TNFRSF10D: variants seen among roughly 807,000 people sequenced by gnomAD.
TNFRSF10D encodes tumor necrosis factor receptor superfamily member 10D.
Under a neutral mutation model 42.1 loss-of-function variants are expected in TNFRSF10D, and 28 were observed. That is an observed-to-expected ratio of 0.66 (90% CI 0.49 to 0.91). The LOEUF (loss-of-function observed/expected upper bound fraction) is 0.91. Among genes scored for constraint, TNFRSF10D ranks in the 40% least tolerant of loss-of-function variants. The probability of loss-of-function intolerance (pLI) is 0.00; values close to 1 mark genes in which losing one functional copy is unlikely to be tolerated. For missense variants in TNFRSF10D, 503 were observed against 486.1 expected, an observed-to-expected ratio of 1.03 and a Z score of -0.33; for synonymous variants, 186 against 189.4, an observed-to-expected ratio of 0.98 and a Z score of 0.15.
At position 23,135,988 on chromosome 8, in the gene TNFRSF10D, T is replaced by C. The variant is rs936684595; in HGVS notation, c.*1882A>G. 9.0e-6 allele frequency: 4 copies of C among 442,408 alleles called. No homozygotes were observed. The highest frequency in any genetic ancestry group is 2.4e-5 in the Admixed American group (1 of 41,514). The allele number at this position is 442,408 out of a possible 1,614,324, so 27.4% of individuals were successfully genotyped here. A position where few individuals can be genotyped will look rare whatever the true frequency, so the allele number is the denominator to read the frequency against. On this transcript the variant is annotated 3_prime_UTR_variant, in exon 9 of 9. Transcript: ENST00000312584. ...AGATGGAAGTGGGAGAGGATGGAAG[T>C]GCGAAGACCGGAAAGGCCATCCCCT...
rs978939858 is a variant in TNFRSF10D, at chr8:23,146,888, G to A, written c.482+73C>T. 6 of 1,282,712 alleles carry A rather than the reference G, an allele frequency of 4.7e-6. No individual in the cohort carries two copies. In the East Asian group the frequency reaches 1.4e-4, roughly 30 times the overall value. 79.5% of individuals were successfully genotyped at this position (1,282,712 alleles called of 1,614,324 possible). On this transcript the variant is annotated intron_variant, in intron 4 of 8. Coordinates refer to ENST00000312584, the MANE Select transcript of TNFRSF10D (RefSeq NM_003840.5). ...GGAGGATCCATGGGGTCAGCGGAGA[G>A]ATAGAGGTACCAGGTGAATCAGGTC...
intron 5 of TNFRSF10D, 135 bp downstream of exon 5, chr8:23,145,533 T>C (rs1800105961): frequency 1.5e-6 from 2 of 1,347,554 alleles, no homozygotes; most frequent in African/African-American, 2.9e-5. Context: ...GATGGGGCGA[T>C]CACAAGAAGG....
chr8:23,161,949 G>A (rs979434494), intron 1 of TNFRSF10D, among the ~76,000 whole-genome samples: 1 of 152,224 alleles, frequency 6.6e-6, no homozygotes, highest in Admixed American at 6.5e-5. Flanking sequence ...TACATACAAG[G>A]GTATTTAGTA....
intron 1 of TNFRSF10D, among the ~76,000 whole-genome samples, chr8:23,163,456 T>C (rs1250303294): frequency 2.0e-5 from 3 of 152,070 alleles, no homozygotes; most frequent in African/African-American, 7.2e-5. Context: ...AGGCAACCGC[T>C]CTGTGGCTTC....
chr8:23,163,125 GTCTCGCTCTTGT>G (rs1244563560), intron 1 of TNFRSF10D, among the ~76,000 whole-genome samples: 1 of 119,808 alleles, frequency 8.3e-6, no homozygotes, highest in Non-Finnish European at 1.6e-5. Flanking sequence ...TTGAGACGGA[GTCTCGCTCTTGT>G]TGACCAGGCT....
intron 7 of TNFRSF10D, among the ~76,000 whole-genome samples, chr8:23,140,056 A>C (rs541644469): frequency 6.6e-6 from 1 of 152,058 alleles, no homozygotes; most frequent in African/African-American, 2.4e-5. Flanking sequence ...TTGGGAGGCC[A>C]AGGAGGGCGG....
chr8:23,138,375 G>T, intron 7 of TNFRSF10D, 115 bp from the exon 8 acceptor site: 2 of 1,068,948 alleles, frequency 1.9e-6, no homozygotes, highest in South Asian at 1.4e-5. Context: ...GGGTCTCCAT[G>T]GAGATGGAGA....
At chr8:23,157,105 T>C (rs1245795239) in intron 1 of TNFRSF10D, among the ~76,000 whole-genome samples, 2 of 152,180 alleles carry the variant, frequency 1.3e-5, no homozygotes, top group Non-Finnish European at 2.9e-5. Flanking sequence ...TTTTTTAATA[T>C]ACTCATAGCT....
chr8:23,148,264 G>GA (rs1463502798), intron 3 of TNFRSF10D, among the ~76,000 whole-genome samples, 174 bp downstream of exon 3: 1 of 149,286 alleles, frequency 6.7e-6, no homozygotes, highest in African/African-American at 2.5e-5. Context: ...TAAAAGAAAA[G>GA]AAAAAAAAGA....
chr8:23,143,501 C>T lies in TNFRSF10D; in HGVS notation c.954+949G>A, dbSNP rs373139971. On this transcript the variant is annotated intron_variant, in intron 7 of 8. Coordinates refer to ENST00000312584, the MANE Select transcript of TNFRSF10D (RefSeq NM_003840.5). ...ACAAAGGTGCAATGCGATTCAGCAG[C>T]GTGGAGTAATTGTTGATATTTTTTG... Among the ~76,000 whole-genome samples the T allele has an allele frequency of 7.5e-4, 114 of 152,010 alleles. No individual in the cohort carries two copies. The South Asian group carries it at 0.012, about 16-fold the overall frequency.
At chr8:23,158,896 C>T (rs932031925) in intron 1 of TNFRSF10D, among the ~76,000 whole-genome samples, 2 of 152,132 alleles carry the variant, frequency 1.3e-5, no homozygotes, top group African/African-American at 2.4e-5. Flanking sequence ...GAACTATCGC[C>T]GCGATAAGAT....
chr8:23,148,803 G>T (rs889179886), intron 2 of TNFRSF10D, among the ~76,000 whole-genome samples: 2 of 142,844 alleles, frequency 1.4e-5, no homozygotes, highest in African/African-American at 5.5e-5. Context: ...ATAGTACAAA[G>T]AATGAGGTCA....
intron 7 of TNFRSF10D, among the ~76,000 whole-genome samples, chr8:23,140,284 G>A (rs928180005): frequency 6.6e-6 from 1 of 151,708 alleles, no homozygotes; most frequent in Non-Finnish European, 1.5e-5. Flanking sequence ...GCAAGACTCT[G>A]TCTCAAAAAG....
At position 23,146,944 on chromosome 8, in the gene TNFRSF10D, C is replaced by G; in HGVS notation, c.482+17G>C. ...AGGTTCCTGAAAGCTGTTGGGAGCC[C>G]CTGGCTGCTGTCTTACCCTGTTCTA... On this transcript the variant is annotated intron_variant, in intron 4 of 8. Coordinates refer to ENST00000312584, the MANE Select transcript of TNFRSF10D (RefSeq NM_003840.5). 3 of 1,606,564 alleles carry G rather than the reference C, an allele frequency of 1.9e-6. No individual in the cohort carries two copies. The highest frequency in any genetic ancestry group is 2.6e-6 in the Non-Finnish European group (3 of 1,173,258).
intron 6 of TNFRSF10D, 141 bp downstream of exon 6, chr8:23,144,917 A>C: frequency 1.5e-6 from 2 of 1,302,522 alleles, no homozygotes; most frequent in Non-Finnish European, 2.2e-6. Context: ...TGTCCCCCAC[A>C]GTCAGCCCAG....
chr8:23,152,786 A>T (rs112025303), intron 2 of TNFRSF10D, among the ~76,000 whole-genome samples: 4 of 152,378 alleles, frequency 2.6e-5, no homozygotes, highest in African/African-American at 9.6e-5. Flanking sequence ...TTAATTGTTC[A>T]TATGACCCAA....
At chr8:23,148,365 C>T in intron 3 of TNFRSF10D, 73 bp downstream of exon 3, 1 of 1,207,954 alleles carries the variant, frequency 8.3e-7, no homozygotes, top group Middle Eastern at 2.0e-4. Flanking sequence ...GGTTCCCCGA[C>T]TCACATCGGC....
intron 4 of TNFRSF10D, among the ~76,000 whole-genome samples, chr8:23,146,247 C>G (rs1476109655): frequency 3.9e-5 from 6 of 152,230 alleles, no homozygotes; most frequent in Admixed American, 6.5e-5. Flanking sequence ...TCACAAGCCC[C>G]TGTGGCCACA....
rs1431294650 is a variant in TNFRSF10D, at chr8:23,146,860, C to T, written c.482+101G>A. 4 of 1,032,894 alleles carry T rather than the reference C, an allele frequency of 3.9e-6. No homozygotes were observed. In the Admixed American group the frequency reaches 7.4e-5, roughly 19 times the overall value. 64.0% of individuals were successfully genotyped at this position (1,032,894 alleles called of 1,614,324 possible). A position where few individuals can be genotyped will look rare whatever the true frequency, so the allele number is the denominator to read the frequency against. On this transcript the variant is annotated intron_variant, in intron 4 of 8. Coordinates refer to ENST00000312584, the MANE Select transcript of TNFRSF10D (RefSeq NM_003840.5). Reference sequence around the variant, plus strand: ...CCCACAGGCTCAGGGAGGCCTCGGGCCTGGAGGATCCATGGGGTCAGCGGA... The same window carrying T: ...CCCACAGGCTCAGGGAGGCCTCGGGTCTGGAGGATCCATGGGGTCAGCGGA...
Sources: allele counts gnomAD v4.1 joint callset (sites outside exome capture counted in the v4.1 genomes callset), GRCh38; gene constraint gnomAD v4.1.1; transcripts MANE v1.5; gene names NCBI Gene and HGNC (gene_info 2026-07-23, HGNC 2026-07-21).